Variants in SHISA9 observed in about 807,000 individuals in gnomAD.
SHISA9 encodes the protein protein shisa-9.
Under a neutral mutation model 38.0 loss-of-function variants are expected in SHISA9, and 13 were observed. The ratio of observed to expected loss-of-function variants is 0.34; its 90% CI spans 0.22 to 0.54. The LOEUF is 0.54. Ranked by LOEUF, SHISA9 falls within the 20% of genes least tolerant of loss-of-function variation. The pLI is 0.91. For missense variants in SHISA9, 538 were observed against 575.8 expected (o/e 0.93, Z 0.67); for synonymous variants, 275 against 242.0 (o/e 1.14, Z -1.27).
At chr16:12,927,074 T>C (rs2071401437) in intron 2 of SHISA9, among the ~76,000 whole-genome samples, 1 of 152,206 alleles carries the variant, frequency 6.6e-6, no homozygotes, top group African/African-American at 2.4e-5. Context: ...TAGATTAGTG[T>C]TGAATTTTTT....
the SHISA9 span, among the ~76,000 whole-genome samples, chr16:13,278,121 A>C: frequency 6.6e-6 from 1 of 152,104 alleles, no homozygotes; most frequent in Non-Finnish European, 1.5e-5. Context: ...AGTTTTAGTC[A>C]TAAAGTGATG....
At chr16:13,047,466 C>T (rs1400003004) in intron 2 of SHISA9, among the ~76,000 whole-genome samples, 1 of 152,134 alleles carries the variant, frequency 6.6e-6, no homozygotes, top group Non-Finnish European at 1.5e-5. Context: ...TTTTCTTAGG[C>T]AATGGAAAGA....
the SHISA9 span, among the ~76,000 whole-genome samples, chr16:13,349,422 G>T: frequency 6.6e-6 from 1 of 152,254 alleles, no homozygotes; most frequent in Admixed American, 6.5e-5. Flanking sequence ...TGACTTTGCT[G>T]ATTAAGCACC....
intron 2 of SHISA9, among the ~76,000 whole-genome samples, chr16:13,074,033 G>A (rs954877647): frequency 7.6e-4 from 113 of 149,166 alleles, no homozygotes; most frequent in African/African-American, 2.5e-3. Flanking sequence ...GCAGTGGCGT[G>A]ATCTTGGCTC....
At chr16:13,244,912 C>A (rs1289466435), downstream of SHISA9, among the ~76,000 whole-genome samples, 1 of 152,136 alleles carries the variant, frequency 6.6e-6, no homozygotes, top group Non-Finnish European at 1.5e-5. Flanking sequence ...GGTTCTTTGC[C>A]TACATTTATT....
At chr16:13,452,737 C>T in the SHISA9 span, among the ~76,000 whole-genome samples, 9 of 151,936 alleles carry the variant, frequency 5.9e-5, no homozygotes, top group African/African-American at 1.9e-4. Flanking sequence ...AACCTCAGCT[C>T]TCATGTTGCC....
chr16:13,188,967 G>T (rs905155196), intron 2 of SHISA9, among the ~76,000 whole-genome samples: 1 of 152,040 alleles, frequency 6.6e-6, no homozygotes, highest in African/African-American at 2.4e-5. Context: ...TTTGGATGCA[G>T]ACACACACAG....
chr16:13,058,831 C>T (rs1596617889), intron 2 of SHISA9, among the ~76,000 whole-genome samples: 1 of 151,814 alleles, frequency 6.6e-6, no homozygotes, highest in East Asian at 1.9e-4. Flanking sequence ...GGGATCCAGG[C>T]AGGACCAGCA....
the SHISA9 span, among the ~76,000 whole-genome samples, chr16:13,327,956 G>A: frequency 7.2e-5 from 11 of 152,254 alleles, no homozygotes; most frequent in African/African-American, 2.2e-4. Flanking sequence ...ACTGTGCCCC[G>A]CCAAGGTTGT....
chr16:13,362,081 T>G, the SHISA9 span, among the ~76,000 whole-genome samples: 51 of 152,030 alleles, frequency 3.4e-4, no homozygotes, highest in Non-Finnish European at 6.6e-4. Flanking sequence ...AAATAGCTCC[T>G]GGCTGGCTGC....
At chr16:13,553,566 G>C in the SHISA9 span, among the ~76,000 whole-genome samples, 1 of 152,022 alleles carries the variant, frequency 6.6e-6, no homozygotes, top group Non-Finnish European at 1.5e-5. Flanking sequence ...CCATAGCAGA[G>C]AGAAAAGATT....
At chr16:13,475,910 T>A in the SHISA9 span, among the ~76,000 whole-genome samples, 3 of 152,158 alleles carry the variant, frequency 2.0e-5, no homozygotes, top group Non-Finnish European at 4.4e-5. Context: ...GAATTGAATG[T>A]TGCTGCTGAT....
chr16:13,276,573 C>A, the SHISA9 span, among the ~76,000 whole-genome samples: 1 of 152,086 alleles, frequency 6.6e-6, no homozygotes, highest in African/African-American at 2.4e-5. Context: ...TCCATGCCAA[C>A]ATCTACTGTT....
At chr16:12,970,469 G>A (rs181626573) in intron 2 of SHISA9, among the ~76,000 whole-genome samples, 2,163 of 23,872 alleles carry the variant, frequency 0.091, 205 homozygotes, top group African/African-American at 0.14. Context: ...ATATGTGTGT[G>A]TATATATATA....
At chr16:13,429,039 T>A in the SHISA9 span, among the ~76,000 whole-genome samples, 1 of 152,278 alleles carries the variant, frequency 6.6e-6, no homozygotes, top group African/African-American at 2.4e-5. Context: ...AGTGCTGGGA[T>A]TACAGGCGTG....
chr16:13,269,302 G>A, the SHISA9 span, among the ~76,000 whole-genome samples: 1 of 152,210 alleles, frequency 6.6e-6, no homozygotes, highest in Admixed American at 6.5e-5. Context: ...GTGTACATTG[G>A]AAATGCTACT....
chr16:13,410,780 A>G, the SHISA9 span, among the ~76,000 whole-genome samples: 3 of 152,236 alleles, frequency 2.0e-5, no homozygotes, highest in African/African-American at 4.8e-5. Context: ...TGTTTAAAGT[A>G]AATTCCCTTT....
At chr16:13,083,591 C>T (rs776456626) in intron 2 of SHISA9, among the ~76,000 whole-genome samples, 22 of 152,170 alleles carry the variant, frequency 1.4e-4, no homozygotes, top group Non-Finnish European at 2.8e-4. Context: ...CATGCGAAGC[C>T]CTAAGCATCA....
At chr16:13,226,876 G>A (rs2051284718) in intron 4 of SHISA9, among the ~76,000 whole-genome samples, 1 of 152,210 alleles carries the variant, frequency 6.6e-6, no homozygotes, top group African/African-American at 2.4e-5. Context: ...AAGAGCCTTA[G>A]AGTAGAAGTT....
Sources: gnomAD v4.1 joint callset for allele counts (sites outside exome capture counted in the v4.1 genomes callset) on GRCh38, gnomAD v4.1.1 for gene constraint, MANE v1.5 for transcripts, NCBI Gene and HGNC (gene_info 2026-07-23, HGNC 2026-07-21) for gene names.